MIA3: variants seen among roughly 807,000 people sequenced by gnomAD.
MIA3 encodes the protein MIA SH3 domain ER export factor 3.
Under a neutral mutation model 192.4 loss-of-function variants are expected in MIA3, and 90 were observed. The ratio of observed to expected loss-of-function variants is 0.47; its 90% CI spans 0.39 to 0.56. The LOEUF (loss-of-function observed/expected upper bound fraction) is 0.56, where lower values mean the gene tolerates loss of function less well. MIA3 is among the 20% of genes least tolerant of loss of function. The pLI is 0.00. For synonymous variants in MIA3, 740 were observed against 792.8 expected, an observed-to-expected ratio of 0.93 and a Z score of 1.12; for missense variants, 2,123 against 2,269.4, an observed-to-expected ratio of 0.94 and a Z score of 1.31.
intron 26 of MIA3, among the ~76,000 whole-genome samples, chr1:222,663,547 A>C (rs1325692639): frequency 6.6e-6 from 1 of 152,214 alleles, no homozygotes; most frequent in Non-Finnish European, 1.5e-5. Context: ...GTGTTAATAT[A>C]TGTAGGGCCT....
chr1:222,629,143 C>G lies in MIA3; in HGVS notation c.1923C>G (p.Pro641=), dbSNP rs1662269891. 6.2e-7 allele frequency: 1 copy of G among 1,614,144 alleles called. No homozygotes were observed. The highest frequency in any genetic ancestry group is 8.5e-7 in the Non-Finnish European group (1 of 1,180,014). ...RFSSPDEIDL[P]RELEDEVPIL... Reference sequence around the variant, plus strand: ...CCTCTCCAGATGAGATTGATTTGCCCAGAGAACTGGAAGACGAGGTTCCCA... The same window carrying G: ...CCTCTCCAGATGAGATTGATTTGCCGAGAGAACTGGAAGACGAGGTTCCCA... Residue 641 remains proline, a synonymous_variant, in exon 4 of 28, where the codon CCC becomes CCG. Coordinates refer to ENST00000344922, the MANE Select transcript of MIA3 (RefSeq NM_198551.4).
rs772230873 is a variant in MIA3 at position 222,629,810 on chromosome 1, A to G, written c.2590A>G (p.Thr864Ala). 7 of 1,613,878 alleles carry G rather than the reference A, an allele frequency of 4.3e-6. No homozygotes were observed. The East Asian group carries it at 1.3e-4, about 31-fold the overall frequency. Residue 864 changes from threonine to alanine, a missense_variant, in exon 4 of 28, where the codon ACC becomes GCC. Physicochemically the swap from Thr to Ala is moderately conservative, Grantham distance 58 (BLOSUM62 0). Coordinates refer to ENST00000344922, the MANE Select transcript of MIA3 (RefSeq NM_198551.4). ...CGACAACCCTGAGGAACATCTGAAG[A>G]CCTCAGGGCTTGCAGGGGAGCCTGA... is the stretch of plus-strand genomic sequence containing the variant. ...KNDNPEEHLK[T>A]SGLAGEPEGE... is the part of the protein sequence containing the mutation.
chr1:222,637,888 C>G (rs187598825), intron 6 of MIA3, among the ~76,000 whole-genome samples: 6 of 152,018 alleles, frequency 3.9e-5, no homozygotes, highest in African/African-American at 1.4e-4. Flanking sequence ...TGCCATGTTT[C>G]CCAGTCTGGT....
intron 4 of MIA3, among the ~76,000 whole-genome samples, chr1:222,631,370 T>C (rs1662391374): frequency 6.6e-6 from 1 of 152,106 alleles, no homozygotes; most frequent in South Asian, 2.1e-4. Flanking sequence ...CCCTCCTACT[T>C]TGGCCTCCCA....
At chr1:222,644,207 TCCCGTC>T (rs1434823159) in intron 6 of MIA3, 4 of 1,034,062 alleles carry the variant, frequency 3.9e-6, no homozygotes, top group Non-Finnish European at 5.2e-6. Flanking sequence ...CGCTCTTCTC[TCCCGTC>T]CCCTCGATAG....
chr1:222,630,143 C>T lies in MIA3; in HGVS notation c.2923C>T (p.Leu975=). ...ESLPYNMEKV[L]DKVFRASESQ... ...CCTGCCCTATAATATGGAAAAAGTC[C>T]TAGATAAGGTCTTCCGTGCTTCTGA... Residue 975 remains leucine, a synonymous_variant, in exon 4 of 28, where the codon CTA becomes TTA. Transcript: ENST00000344922. 1 of 1,614,136 alleles carries T rather than the reference C, an allele frequency of 6.2e-7. No individual in the cohort carries two copies. The highest frequency in any genetic ancestry group is 8.5e-7 in the Non-Finnish European group (1 of 1,180,020).
In MIA3 at chr1:222,650,674, A is replaced by G. The variant is rs1236499754; in HGVS notation, c.3761A>G (p.Gln1254Arg). The change falls in exon 10 of 28, where the codon CAA (glutamine) becomes CGA (arginine). Residue 1254 changes from glutamine to arginine, a missense_variant. Transcript: ENST00000344922. ...AAACATGTTCAGGAAACCAGGAAAC[A>G]AAATATGATTCTCTCTGATGAAGCA... is the stretch of plus-strand genomic sequence containing the variant. ...SKKHVQETRK[Q>R]NMILSDEAIK... is the part of the protein sequence containing the mutation. 6.3e-7 allele frequency: 1 copy of G among 1,599,796 alleles called. No individual in the cohort carries two copies. The highest frequency in any genetic ancestry group is 8.5e-7 in the Non-Finnish European group (1 of 1,171,824).
chr1:222,644,557 T>A (rs988755218), intron 6 of MIA3: 4 of 1,550,628 alleles, frequency 2.6e-6, no homozygotes, highest in South Asian at 1.2e-5. Flanking sequence ...GTCTGTGCTC[T>A]ACGCAGCCTT....
rs1255361213 is a variant in MIA3, at chr1:222,650,811, G to GA, written c.3824dup (p.Asn1275LysfsTer7). 1 of 1,607,914 alleles carries GA rather than the reference G, an allele frequency of 6.2e-7. No homozygotes were observed. Among genetic ancestry groups the GA allele is most frequent in the Non-Finnish European group, 8.5e-7 (1 of 1,176,894 alleles). On this transcript the variant is annotated frameshift_variant, in exon 11 of 28. Transcript: ENST00000344922. LOFTEE classifies it high-confidence loss of function. ...TTTGTAGGATAAAATCAAGACACTT[G>GA]AAAAAAATCAGGAAATTCTGGATGA...
intron 2 of MIA3, among the ~76,000 whole-genome samples, chr1:222,623,920 A>G (rs1391569461): frequency 6.6e-6 from 1 of 152,212 alleles, no homozygotes; most frequent in Non-Finnish European, 1.5e-5. Flanking sequence ...TTACACTGTA[A>G]TTTTGTTTTG....
intron 1 of MIA3, among the ~76,000 whole-genome samples, chr1:222,620,501 T>C (rs1195224286): frequency 6.6e-6 from 1 of 152,246 alleles, no homozygotes; most frequent in East Asian, 1.9e-4. Context: ...TTTCAGAAAA[T>C]ATTGCCTTGT....
At chr1:222,660,444 T>G in intron 24 of MIA3, 130 bp downstream of exon 24, 1 of 806,860 alleles carries the variant, frequency 1.2e-6, no homozygotes, top group Non-Finnish European at 1.8e-6. Flanking sequence ...TAATTTGTCT[T>G]GGTGGATTCA....
At chr1:222,647,315 A>T (rs1476090955) in intron 7 of MIA3, among the ~76,000 whole-genome samples, 2 of 152,188 alleles carry the variant, frequency 1.3e-5, no homozygotes, top group Non-Finnish European at 2.9e-5. Context: ...ATTTAACATA[A>T]TTGGGAGAAG....
intron 15 of MIA3, among the ~76,000 whole-genome samples, chr1:222,654,007 C>T (rs1663575021): frequency 6.6e-6 from 1 of 152,180 alleles, no homozygotes; most frequent in Non-Finnish European, 1.5e-5. Context: ...CTTTATCTCA[C>T]ATGTTTCTTC....
chr1:222,663,154 G>A (rs1472721016), intron 26 of MIA3: 1 of 152,168 alleles, frequency 6.6e-6, no homozygotes, highest in Admixed American at 6.5e-5. Flanking sequence ...ATAGTAGACA[G>A]TATTACTAGT....
rs1252655272 is a variant in MIA3 at position 222,665,510 on chromosome 1, C to T, written c.5615C>T (p.Pro1872Leu). Reference sequence around the variant, plus strand: ...ACCCATGGTCCCCAGGAATACCCACCACCACCTGCTGTAAGAGACTTACTG... The same window carrying T: ...ACCCATGGTCCCCAGGAATACCCACTACCACCTGCTGTAAGAGACTTACTG... ...PPTHGPQEYP[P>L]PPAVRDLLPS... Residue 1872 changes from proline (P) to leucine (L), a missense_variant, in exon 28 of 28, where the codon CCA (proline) becomes CTA (leucine). This residue lies in a region of MIA3 where 762 missense variants were observed against 856.4 expected (regional missense o/e 0.89). Coordinates refer to ENST00000344922, the MANE Select transcript of MIA3 (RefSeq NM_198551.4). The T allele has an allele frequency of 1.2e-6, 2 of 1,614,000 alleles. No individual in the cohort carries two copies. Among genetic ancestry groups the T allele is most frequent in the African/African-American group, 1.3e-5 (1 of 74,900 alleles).
chr1:222,636,932 A>G (rs763656639), intron 6 of MIA3, among the ~76,000 whole-genome samples: 8 of 152,142 alleles, frequency 5.3e-5, no homozygotes, highest in Non-Finnish European at 1.2e-4. Context: ...CTATCCCTGC[A>G]CTGAAGTCAA....
At position 222,631,936 on chromosome 1, in the gene MIA3, A is replaced by G. The variant is rs1230451721; in HGVS notation, c.3170-229A>G. On this transcript the variant is annotated intron_variant, in intron 4 of 27. Transcript: ENST00000344922. Reference sequence around the variant, plus strand: ...GAAAGATGTTACTGAAGTCCCTACCATAAATGTATTTATTTATGAAATACT... The same window carrying G: ...GAAAGATGTTACTGAAGTCCCTACCGTAAATGTATTTATTTATGAAATACT... 2.6e-4 allele frequency among the ~76,000 whole-genome samples: 39 copies of G among 152,230 alleles called. 1 individual carries two copies. The highest frequency in any genetic ancestry group is 2.5e-3 in the Admixed American group (38 of 15,286).
Position 222,629,791 on chromosome 1 carries a change from C to T in MIA3, c.2571C>T (p.Asn857=). 6.2e-7 allele frequency: 1 copy of T among 1,614,134 alleles called. No individual in the cohort carries two copies. The highest frequency in any genetic ancestry group is 8.5e-7 in the Non-Finnish European group (1 of 1,180,024). The change falls in exon 4 of 28, where the codon AAC becomes AAT. Residue 857 remains asparagine (N), a synonymous_variant. Coordinates refer to ENST00000344922, the MANE Select transcript of MIA3 (RefSeq NM_198551.4). ...NKDSDYLKND[N]PEEHLKTSGL... is the part of the protein sequence containing the mutation. ...ATTCTGATTATCTGAAGAACGACAA[C>T]CCTGAGGAACATCTGAAGACCTCAG...
Sources: allele counts gnomAD v4.1 joint callset (sites outside exome capture counted in the v4.1 genomes callset), GRCh38; gene constraint gnomAD v4.1.1; regional missense constraint gnomAD v4.1.1; transcripts MANE v1.5; gene names NCBI Gene and HGNC (gene_info 2026-07-23, HGNC 2026-07-21).